Variants in EGFR observed in about 807,000 individuals in gnomAD.
The protein encoded by EGFR is epidermal growth factor receptor.
In EGFR, 58 loss-of-function variants were observed where a neutral mutation model predicts 143.0. The observed-to-expected ratio is 0.41, with a 90% confidence interval of 0.33 to 0.50. The LOEUF (loss-of-function observed/expected upper bound fraction) is 0.50, where lower values mean the gene tolerates loss of function less well. EGFR is among the 20% of genes least tolerant of loss of function. The pLI is 0.39. For synonymous variants in EGFR, 613 were observed against 594.4 expected, an observed-to-expected ratio of 1.03 and a Z score of -0.45; for missense variants, 1,307 against 1,579.0, an observed-to-expected ratio of 0.83 and a Z score of 2.92.
At chr7:55,096,652 T>A (rs1337277062) in intron 1 of EGFR, among the ~76,000 whole-genome samples, 2 of 152,160 alleles carry the variant, frequency 1.3e-5, no homozygotes, top group African/African-American at 4.8e-5. Context: ...CGCAGCCCTG[T>A]GGGAACTGCC....
intron 1 of EGFR, among the ~76,000 whole-genome samples, chr7:55,061,026 C>T (rs1024749): frequency 0.86 from 130,311 of 152,270 alleles, 56,097 homozygotes; most frequent in East Asian, 0.97. Flanking sequence ...GGAGATGCTC[C>T]TCATCTGCTT....
At chr7:55,074,691 C>T (rs552145398) in intron 1 of EGFR, among the ~76,000 whole-genome samples, 1 of 152,214 alleles carries the variant, frequency 6.6e-6, no homozygotes, top group African/African-American at 2.4e-5. Flanking sequence ...TATAAACTAC[C>T]ACTGTAAATA....
chr7:55,192,701 G>C (rs1357591005), intron 21 of EGFR, 65 bp from the exon 22 acceptor site: 2 of 1,472,620 alleles, frequency 1.4e-6, no homozygotes, highest in African/African-American at 1.4e-5. Flanking sequence ...TCCAGAGTGA[G>C]TTAACTTTTT....
In EGFR at chr7:55,152,481, G is replaced by A. The variant is rs115681740; in HGVS notation, c.629-65G>A. On this transcript the variant is annotated intron_variant, in intron 5 of 27. Transcript: ENST00000275493. ...ATGAAAAAGTCTGCAAGTGCTCTGC[G>A]ACATCCCTGGGAAATGATCCTACCC... 1.0e-3 allele frequency: 1,494 copies of A among 1,439,022 alleles called. 19 individuals carry two copies. In the African/African-American group the frequency reaches 0.017, roughly 17 times the overall value. 89.1% of individuals were successfully genotyped at this position (1,439,022 alleles called of 1,614,324 possible). A position where few individuals can be genotyped will look rare whatever the true frequency, so the allele number is the denominator to read the frequency against.
intron 1 of EGFR, among the ~76,000 whole-genome samples, chr7:55,135,989 G>A (rs538519291): frequency 6.6e-6 from 1 of 152,216 alleles, no homozygotes; most frequent in African/African-American, 2.4e-5. Context: ...ACTATGAAGA[G>A]TAAATAAGAA....
At chr7:55,075,279 CTCCAGCT>C (rs1790072194) in intron 1 of EGFR, among the ~76,000 whole-genome samples, 2 of 152,158 alleles carry the variant, frequency 1.3e-5, no homozygotes, top group African/African-American at 4.8e-5. Context: ...CTGTGAAGGC[CTCCAGCT>C]TCCTCCACAC....
At chr7:55,181,635 T>C (rs532898868) in intron 20 of EGFR, 157 bp downstream of exon 20, 11 of 879,306 alleles carry the variant, frequency 1.3e-5, no homozygotes, top group Non-Finnish European at 2.0e-5. Context: ...ATCAAGTTGA[T>C]CTTCTTGTGC....
chr7:55,143,949 GA>G (rs1367250720), intron 3 of EGFR, among the ~76,000 whole-genome samples: 1 of 152,146 alleles, frequency 6.6e-6, no homozygotes, highest in African/African-American at 2.4e-5. Context: ...TAAGGATAGA[GA>G]ATGAGGTGTT....
intron 1 of EGFR, among the ~76,000 whole-genome samples, chr7:55,052,423 C>T (rs1562671131): frequency 1.3e-5 from 2 of 152,174 alleles, no homozygotes; most frequent in Non-Finnish European, 2.9e-5. Flanking sequence ...CACTTTAGAG[C>T]CCTTCTGTTC....
intron 19 of EGFR, 69 bp downstream of exon 19, chr7:55,174,889 G>T (rs17337135): frequency 8.0e-7 from 1 of 1,243,708 alleles, no homozygotes; most frequent in Non-Finnish European, 1.2e-6. Flanking sequence ...CTCATGTCTG[G>T]CAGCTGCTCT....
chr7:55,047,087 T>C (rs569865297), intron 1 of EGFR, among the ~76,000 whole-genome samples: 7 of 152,382 alleles, frequency 4.6e-5, no homozygotes, highest in Non-Finnish European at 7.3e-5. Context: ...GATAGGGCCA[T>C]TCCAACAAAG....
intron 1 of EGFR, among the ~76,000 whole-genome samples, chr7:55,033,137 T>C (rs1787358251): frequency 6.6e-6 from 1 of 152,218 alleles, no homozygotes; most frequent in African/African-American, 2.4e-5. Context: ...TAACATTCAA[T>C]AGATGACTAT....
intron 5 of EGFR, 28 bp from the exon 6 acceptor site, chr7:55,152,518 C>T: frequency 1.9e-6 from 3 of 1,597,066 alleles, no homozygotes; most frequent in African/African-American, 1.3e-5. Context: ...CACTCTTCAG[C>T]TCACAGGGAA....
intron 1 of EGFR, among the ~76,000 whole-genome samples, chr7:55,045,812 A>C (rs997376953): frequency 2.6e-5 from 4 of 152,226 alleles, no homozygotes; most frequent in Non-Finnish European, 5.9e-5. Context: ...ATTGCCTTCT[A>C]ATAGGGTAGC....
intron 4 of EGFR, 150 bp downstream of exon 4, chr7:55,146,890 T>C (rs1794795390): frequency 4.0e-6 from 5 of 1,247,036 alleles, no homozygotes; most frequent in Admixed American, 2.0e-5. Flanking sequence ...TAGAAAAGCA[T>C]GTATTTACCA....
Position 55,211,333 on chromosome 7 carries a change from C to T in EGFR, c.*5716C>T, listed in dbSNP as rs968054342. ...TTAAGAGATCCTATGGATTTGATGA[C>T]TGGTATTAGAGGTGACAATGTAACC... On this transcript the variant is annotated 3_prime_UTR_variant, in exon 28 of 28. Transcript: ENST00000275493. 1.3e-5 allele frequency: 2 copies of T among 152,166 alleles called. No individual in the cohort carries two copies. The highest frequency in any genetic ancestry group is 4.8e-5 in the African/African-American group (2 of 41,452). 9.4% of individuals were successfully genotyped at this position (152,166 alleles called of 1,614,324 possible). A position where few individuals can be genotyped will look rare whatever the true frequency, so the allele number is the denominator to read the frequency against.
Position 55,097,352 on chromosome 7 carries a change from C to T in EGFR, c.89-44934C>T. ...CACACAGTCATCGCAATAGTAACCT[C>T]AGCTGATAAATCCTCCCCCATAAAA... On this transcript the variant is annotated intron_variant, in intron 1 of 27. Transcript: ENST00000275493. Among the ~76,000 whole-genome samples, 2 of 152,208 alleles carry T rather than the reference C, an allele frequency of 1.3e-5. 1 individual carries two copies. Among genetic ancestry groups the T allele is most frequent in the Admixed American group, 1.3e-4 (2 of 15,292 alleles).
chr7:55,049,413 C>T (rs1583909918), intron 1 of EGFR, among the ~76,000 whole-genome samples: 1 of 152,362 alleles, frequency 6.6e-6, no homozygotes, highest in African/African-American at 2.4e-5. Context: ...CTGCCAGTCT[C>T]TCCCACTGCA....
At chr7:55,068,841 A>G (rs180871419) in intron 1 of EGFR, among the ~76,000 whole-genome samples, 4 of 152,302 alleles carry the variant, frequency 2.6e-5, no homozygotes, top group Non-Finnish European at 4.4e-5. Flanking sequence ...AAAAGCCCTC[A>G]TCCACACCAA....
Sources: gnomAD v4.1 joint callset for allele counts (sites outside exome capture counted in the v4.1 genomes callset) on GRCh38, gnomAD v4.1.1 for gene constraint, MANE v1.5 for transcripts, NCBI Gene and HGNC (gene_info 2026-07-23, HGNC 2026-07-21) for gene names.